Variants in MON2 observed in about 807,000 individuals in gnomAD.
MON2 encodes protein MON2 homolog.
MON2 carries 84 observed loss-of-function variants against 208.6 expected under a neutral mutation model. The observed-to-expected ratio is 0.40, with a 90% CI of 0.34 to 0.48. The LOEUF is 0.48. MON2 is among the 20% of genes least tolerant of loss of function. The pLI is 0.59. For missense variants in MON2, 1,611 were observed against 2,015.4 expected, an observed-to-expected ratio of 0.80 and a Z score of 3.84; for synonymous variants, 660 against 694.0, an observed-to-expected ratio of 0.95 and a Z score of 0.77.
In MON2 at chr12:62,553,137, T is replaced by A. The variant is rs768645604; in HGVS notation, c.3173T>A (p.Leu1058Ter). ...TCTACAATTGGTGCGCATGGAACTT[T>A]ATTACAGCATTCAACCTGGCACACT... ...LFSTIGAHGT[L>*]LQHSTWHTVI... is the part of the protein sequence containing the mutation. Residue 1058 changes from leucine to a stop codon, truncating the protein, a stop_gained, in exon 24 of 35, where the codon TTA (leucine) becomes TAA (stop). Coordinates refer to ENST00000393630, the MANE Select transcript of MON2 (RefSeq NM_015026.3). LOFTEE classifies it high-confidence loss of function. 3 of 1,614,204 alleles carry A rather than the reference T, an allele frequency of 1.9e-6. No homozygotes were observed.
chr12:62,493,633 T>C (rs1345980680), intron 2 of MON2, among the ~76,000 whole-genome samples: 1 of 152,154 alleles, frequency 6.6e-6, no homozygotes, highest in Non-Finnish European at 1.5e-5. Flanking sequence ...TGAAAATCCA[T>C]GTCCTAATAG....
chr12:62,571,602 A>G lies in MON2; in HGVS notation c.4514+20A>G, dbSNP rs1446849373. ...TAAAAGGTCAGCTCATTCATTTTTA[A>G]AATTAAGACAAGAAGTGGCACATTA... On this transcript the variant is annotated intron_variant, in intron 30 of 34. Coordinates refer to ENST00000393630, the MANE Select transcript of MON2 (RefSeq NM_015026.3). The G allele has an allele frequency of 1.9e-6, 3 of 1,574,752 alleles. No homozygotes were observed. The highest frequency in any genetic ancestry group is 2.6e-6 in the Non-Finnish European group (3 of 1,156,350).
chr12:62,538,626 TGTTGG>T, intron 19 of MON2, 121 bp downstream of exon 19: 1 of 708,014 alleles, frequency 1.4e-6, no homozygotes, highest in Non-Finnish European at 2.3e-6. Flanking sequence ...AACCATACTC[TGTTGG>T]GTTTTTACCA....
intron 2 of MON2, among the ~76,000 whole-genome samples, chr12:62,486,000 C>A (rs1182193571): frequency 2.0e-5 from 3 of 152,240 alleles, no homozygotes; most frequent in African/African-American, 4.8e-5. Flanking sequence ...CTGCGCCCGG[C>A]CAGCATGTGG....
intron 22 of MON2, among the ~76,000 whole-genome samples, chr12:62,549,003 C>T (rs2073623692): frequency 6.6e-6 from 1 of 152,014 alleles, no homozygotes; most frequent in South Asian, 2.1e-4. Flanking sequence ...TACTAGATAT[C>T]AGGGATACAG....
chr12:62,572,662 TCTTGAACTAA>T (rs1471255536), intron 30 of MON2, among the ~76,000 whole-genome samples: 3 of 152,126 alleles, frequency 2.0e-5, no homozygotes, highest in Non-Finnish European at 2.9e-5. Flanking sequence ...TGCCTAGGTG[TCTTGAACTAA>T]CTTCTGGGCT....
At chr12:62,541,934 A>G (rs1413243254) in intron 19 of MON2, among the ~76,000 whole-genome samples, 1 of 152,172 alleles carries the variant, frequency 6.6e-6, no homozygotes, top group Non-Finnish European at 1.5e-5. Flanking sequence ...ACTTTCTAAC[A>G]TTAGATAGTT....
At chr12:62,472,392 A>C (rs1382603119) in intron 1 of MON2, among the ~76,000 whole-genome samples, 1 of 152,222 alleles carries the variant, frequency 6.6e-6, no homozygotes, top group Non-Finnish European at 1.5e-5. Flanking sequence ...GGTCAGAATT[A>C]GGGAATTGGA....
chr12:62,560,928 C>A lies in MON2; in HGVS notation c.3847C>A (p.Leu1283Ile). The part of the protein sequence containing the change: ...LTALIQIFPA[L>I]YQHIKTGFNM... ...AGCTTTAATTCAGATATTTCCAGCTCTCTACCAACACATAAAAACTGGTTT... is the reference window on the plus strand; with the variant it reads ...AGCTTTAATTCAGATATTTCCAGCTATCTACCAACACATAAAAACTGGTTT... The change falls in exon 26 of 35, where the codon CTC becomes ATC. Residue 1283 changes from leucine to isoleucine, a missense_variant. Physicochemically the swap from Leu to Ile is conservative, Grantham distance 5. Coordinates refer to ENST00000393630, the MANE Select transcript of MON2 (RefSeq NM_015026.3). 1 of 1,613,852 alleles carries A rather than the reference C, an allele frequency of 6.2e-7. No homozygotes were observed. Among genetic ancestry groups the A allele is most frequent in the South Asian group, 1.1e-5 (1 of 91,060 alleles).
At chr12:62,532,413 T>C in intron 11 of MON2, 25 bp from the exon 12 acceptor site, 1 of 1,497,134 alleles carries the variant, frequency 6.7e-7, no homozygotes, top group Non-Finnish European at 9.3e-7. Context: ...TTCTCATTAG[T>C]ATTCTATATT....
chr12:62,530,650 G>T (rs1478397750), intron 11 of MON2, among the ~76,000 whole-genome samples: 2 of 152,056 alleles, frequency 1.3e-5, no homozygotes, highest in African/African-American at 2.4e-5. Flanking sequence ...GATGCATATT[G>T]GGTTATTTTC....
Position 62,546,912 on chromosome 12 carries a change from T to G in MON2, c.2593T>G (p.Leu865Val), listed in dbSNP as rs780907064. 2 of 1,604,502 alleles carry G rather than the reference T, an allele frequency of 1.2e-6. No individual in the cohort carries two copies. The highest frequency in any genetic ancestry group is 2.2e-5 in the South Asian group (2 of 89,546). ...CCCTTTTCAGAGGCTGCAGTTGCTT[T>G]TATTGAACCCGTTAAAGGAGATGTC... ...LSQNQRLQLL[L>V]LNPLKEMSNI... is the part of the protein sequence containing the mutation. The change falls in exon 22 of 35, where the codon TTA (leucine) becomes GTA (valine). Residue 865 changes from leucine to valine, a missense_variant. Coordinates refer to ENST00000393630, the MANE Select transcript of MON2 (RefSeq NM_015026.3).
Position 62,549,739 on chromosome 12 carries a change from G to A in MON2, c.2825G>A (p.Cys942Tyr). The A allele has an allele frequency of 6.2e-7, 1 of 1,613,154 alleles. No individual in the cohort carries two copies. Among genetic ancestry groups the A allele is most frequent in the South Asian group, 1.1e-5 (1 of 90,880 alleles). ...VVTDFLPTMP[C>Y]TCLQIVVDVA... Reference sequence around the variant, plus strand: ...ACAGATTTTCTACCAACAATGCCTTGTACTTGCCTGCAAATAGTTGTAGAT... The same window carrying A: ...ACAGATTTTCTACCAACAATGCCTTATACTTGCCTGCAAATAGTTGTAGAT... Residue 942 changes from cysteine to tyrosine, a missense_variant, in exon 23 of 35, where the codon TGT becomes TAT. Coordinates refer to ENST00000393630, the MANE Select transcript of MON2 (RefSeq NM_015026.3).
intron 1 of MON2, 43 bp from the exon 2 acceptor site, chr12:62,484,125 ATT>A (rs2069617757): frequency 1.5e-6 from 2 of 1,360,422 alleles, no homozygotes; most frequent in Non-Finnish European, 2.1e-6. Flanking sequence ...TAGATAATTC[ATT>A]TTGGCAGTAA....
intron 8 of MON2, among the ~76,000 whole-genome samples, chr12:62,518,984 T>G (rs2071854471): frequency 1.3e-5 from 2 of 152,206 alleles, no homozygotes; most frequent in Non-Finnish European, 2.9e-5. Context: ...TCTCTCTTAT[T>G]TCTCTGTATT....
intron 1 of MON2, among the ~76,000 whole-genome samples, chr12:62,474,667 G>T (rs566245147): frequency 6.6e-6 from 1 of 152,252 alleles, no homozygotes; most frequent in Admixed American, 6.5e-5. Flanking sequence ...CAGGTTATCT[G>T]CCCGCCTCGG....
chr12:62,565,498 ATT>A (rs1294548185), intron 27 of MON2, 118 bp downstream of exon 27: 1 of 878,888 alleles, frequency 1.1e-6, no homozygotes, highest in Non-Finnish European at 1.7e-6. Flanking sequence ...TCACAAATAT[ATT>A]TATACATGTC....
At chr12:62,571,025 T>C (rs7301113) in intron 29 of MON2, among the ~76,000 whole-genome samples, 115,176 of 152,002 alleles carry the variant, frequency 0.76, 44,361 homozygotes, top group African/African-American at 0.84. Context: ...CCACCACGCT[T>C]GGCCAGAATT....
intron 31 of MON2, 118 bp downstream of exon 31, chr12:62,578,623 C>T (rs766442375): frequency 8.0e-5 from 50 of 624,800 alleles, no homozygotes; most frequent in Non-Finnish European, 1.2e-4. Context: ...AAACTGAAAG[C>T]ATTAAAACTC....
Sources: allele counts gnomAD v4.1 joint callset (sites outside exome capture counted in the v4.1 genomes callset), GRCh38; gene constraint gnomAD v4.1.1; transcripts MANE v1.5; gene names NCBI Gene and HGNC (gene_info 2026-07-23, HGNC 2026-07-21).